The following DYSF variants were observed in gnomAD, a reference collection of about 807,000 sequenced individuals.
DYSF encodes the protein dysferlin, also known as dystrophy-associated fer-1-like 1.
Under a neutral mutation model 274.9 loss-of-function variants are expected in DYSF, and 212 were observed. The ratio of observed to expected loss-of-function variants is 0.77; its 90% confidence interval spans 0.69 to 0.86. The LOEUF (loss-of-function observed/expected upper bound fraction) is 0.86. Ranked by LOEUF, DYSF falls within the 40% of genes least tolerant of loss-of-function variation. DYSF has a pLI of 0.00. For synonymous variants in DYSF, 1,091 were observed against 1,078.7 expected, an observed-to-expected ratio of 1.01 and a Z score of -0.22; for missense variants, 2,666 against 2,783.2, an observed-to-expected ratio of 0.96 and a Z score of 0.95.
chr2:71,501,099 G>A (rs1241261333), intron 3 of DYSF, among the ~76,000 whole-genome samples: 1 of 152,130 alleles, frequency 6.6e-6, no homozygotes, highest in Non-Finnish European at 1.5e-5. Flanking sequence ...AGCTTATTAA[G>A]TGATGGTAAA....
chr2:71,660,793 G>A (rs1168410479), intron 45 of DYSF, 142 bp downstream of exon 45: 4 of 741,326 alleles, frequency 5.4e-6, no homozygotes, highest in Non-Finnish European at 9.4e-6. Context: ...TGTCTATGGG[G>A]GCATAGCCTC....
rs1420557351 is a variant in DYSF, at chr2:71,669,710, C to T, written c.5748C>T (p.Tyr1916=). 1 of 1,614,210 alleles carries T rather than the reference C, an allele frequency of 6.2e-7. No homozygotes were observed. The highest frequency in any genetic ancestry group is 1.1e-5 in the South Asian group (1 of 91,086). The part of the protein sequence containing the change: ...FNWRFIFPFD[Y]LPAEQVCTIA... ...GGAGGTTCATTTTCCCCTTCGACTA[C>T]CTGCCAGCTGAGCAAGTCTGTACCA... The change falls in exon 51 of 56, where the codon TAC becomes TAT. Residue 1916 remains tyrosine, a synonymous_variant. Coordinates refer to ENST00000410020, the MANE Select transcript of DYSF (RefSeq NM_001130987.2).
chr2:71,530,313 A>G (rs181876731), intron 14 of DYSF, among the ~76,000 whole-genome samples: 69 of 152,326 alleles, frequency 4.5e-4, no homozygotes, highest in Middle Eastern at 3.4e-3. Flanking sequence ...CATTCCCAAC[A>G]TGGAAGGTAT....
chr2:71,549,944 G>T (rs1451088572), intron 17 of DYSF, among the ~76,000 whole-genome samples: 1 of 152,030 alleles, frequency 6.6e-6, no homozygotes, highest in Non-Finnish European at 1.5e-5. Context: ...GAGGCCCCTG[G>T]CTGAGAGGGG....
chr2:71,480,644 T>C (rs562820616), intron 1 of DYSF, among the ~76,000 whole-genome samples: 1 of 151,496 alleles, frequency 6.6e-6, no homozygotes, highest in East Asian at 1.9e-4. Flanking sequence ...TTAAGGAGAG[T>C]CAGCCTGGGT....
chr2:71,484,857 TGGCTCTGTGGAGCAGA>T (rs1363998087), intron 3 of DYSF, among the ~76,000 whole-genome samples: 1 of 152,246 alleles, frequency 6.6e-6, no homozygotes, highest in East Asian at 1.9e-4. Context: ...CAGGCTGTTC[TGGCTCTGTGGAGCAGA>T]GGTCATATGG....
At chr2:71,543,354 A>G (rs1156371683) in intron 17 of DYSF, among the ~76,000 whole-genome samples, 1 of 146,768 alleles carries the variant, frequency 6.8e-6, no homozygotes. Context: ...GCGGCCGGGA[A>G]GAGACGCTCC....
intron 54 of DYSF, among the ~76,000 whole-genome samples, chr2:71,682,319 G>A (rs991755310): frequency 2.0e-5 from 3 of 152,110 alleles, no homozygotes; most frequent in African/African-American, 7.2e-5. Context: ...ACCCAGAAGA[G>A]GAGGGCAGCA....
intron 1 of DYSF, among the ~76,000 whole-genome samples, chr2:71,470,465 G>C (rs944176221): frequency 5.3e-5 from 8 of 152,138 alleles, no homozygotes; most frequent in African/African-American, 1.9e-4. Context: ...GAGGTCAGGA[G>C]ATCGAGACAA....
chr2:71,591,887 C>T (rs12474121), intron 32 of DYSF, among the ~76,000 whole-genome samples: 31,547 of 152,230 alleles, frequency 0.21, 4,088 homozygotes, highest in East Asian at 0.36. Flanking sequence ...AAGTTCTACC[C>T]CGTTTTGCTT....
intron 5 of DYSF, among the ~76,000 whole-genome samples, chr2:71,512,181 C>A (rs887257317): frequency 1.3e-5 from 2 of 152,220 alleles, no homozygotes; most frequent in Admixed American, 6.5e-5. Context: ...CAAGCCCCAG[C>A]TGCCTGGGGA....
chr2:71,673,169 T>A (rs1346827179), intron 51 of DYSF, among the ~76,000 whole-genome samples: 1 of 152,198 alleles, frequency 6.6e-6, no homozygotes, highest in Non-Finnish European at 1.5e-5. Flanking sequence ...TCACACTGTT[T>A]CCTGTCCTTG....
At chr2:71,488,734 G>C (rs886175536) in intron 3 of DYSF, among the ~76,000 whole-genome samples, 3 of 152,112 alleles carry the variant, frequency 2.0e-5, no homozygotes, top group Non-Finnish European at 4.4e-5. Flanking sequence ...CGCTCTCTTA[G>C]GTGTTCACAG....
chr2:71,549,396 G>C, intron 17 of DYSF: 1 of 1,611,600 alleles, frequency 6.2e-7, no homozygotes, highest in Non-Finnish European at 8.5e-7. Context: ...CAGACTGTAC[G>C]TTGCTGTCAC....
At position 71,656,303 on chromosome 2, in the gene DYSF, A is replaced by C. The variant is rs1428137683; in HGVS notation, c.4755+13A>C. The C allele has an allele frequency of 6.2e-7, 1 of 1,613,586 alleles. No individual in the cohort carries two copies. Among genetic ancestry groups the C allele is most frequent in the East Asian group, 2.2e-5 (1 of 44,878 alleles). ...TGGTGAATTTAAGGTAAATCCTCGA[A>C]GACGTCCCTAACCCAGGTGGGCCTA... On this transcript the variant is annotated intron_variant, in intron 43 of 55. Transcript: ENST00000410020.
intron 30 of DYSF, 41 bp from the exon 31 acceptor site, chr2:71,589,552 C>T (rs780869513): frequency 6.4e-7 from 1 of 1,572,262 alleles, no homozygotes; most frequent in Admixed American, 1.7e-5. Flanking sequence ...CACCCCCAGG[C>T]CTGGGGGCAG....
chr2:71,662,023 G>T (rs930217636), intron 45 of DYSF, among the ~76,000 whole-genome samples: 1 of 152,158 alleles, frequency 6.6e-6, no homozygotes, highest in African/African-American at 2.4e-5. Context: ...CACAGTGGGT[G>T]GGCGTGTGTC....
At chr2:71,460,959 A>G in intron 1 of DYSF, among the ~76,000 whole-genome samples, 1 of 151,632 alleles carries the variant, frequency 6.6e-6, no homozygotes, top group East Asian at 1.9e-4. Context: ...AAAAAAGAAA[A>G]AGAAAAAGAA....
intron 17 of DYSF, among the ~76,000 whole-genome samples, chr2:71,543,925 G>A (rs1573879443): frequency 7.2e-6 from 1 of 139,476 alleles, no homozygotes; most frequent in Admixed American, 7.1e-5. Context: ...GGAGGGAGAA[G>A]GAGAGGGAGA....
Sources: allele counts gnomAD v4.1 joint callset (sites outside exome capture counted in the v4.1 genomes callset), GRCh38; gene constraint gnomAD v4.1.1; transcripts MANE v1.5; gene names NCBI Gene and HGNC (gene_info 2026-07-23, HGNC 2026-07-21).